Variants in MCF2L observed in about 807,000 individuals in gnomAD.
The protein encoded by MCF2L is MCF.2 cell line derived transforming sequence like.
In MCF2L, 97 loss-of-function variants were observed where a neutral mutation model predicts 153.4. The observed-to-expected ratio is 0.63, with a 90% CI of 0.54 to 0.75. The LOEUF (loss-of-function observed/expected upper bound fraction) is 0.75. MCF2L is among the 30% of genes least tolerant of loss of function. The probability of loss-of-function intolerance (pLI) is 0.00; values close to 1 mark genes in which losing one functional copy is unlikely to be tolerated. For missense variants in MCF2L, 1,347 were observed against 1,495.2 expected (o/e 0.90, Z 1.64); for synonymous variants, 659 against 632.2 (o/e 1.04, Z -0.64).
intron 1 of MCF2L, among the ~76,000 whole-genome samples, chr13:112,898,892 G>A (rs564572568): frequency 1.2e-4 from 18 of 152,110 alleles, no homozygotes; most frequent in East Asian, 9.7e-4. Flanking sequence ...CTGACTTCTC[G>A]CCACCTGCTT....
In MCF2L at chr13:113,084,972, C is replaced by T; in HGVS notation, c.2142C>T (p.Cys714=). Residue 714 remains cysteine (C), a synonymous_variant, in exon 19 of 30, where the codon TGC becomes TGT. Transcript: ENST00000535094. The part of the protein sequence containing the change: ...SESLWRQCSD[C]PFFQECQRKL... ...GCCTGTGGAGACAGTGCTCCGACTGCCCGTTTTTCCAGGTTTGTCCCCGGA... is the reference window on the plus strand; with the variant it reads ...GCCTGTGGAGACAGTGCTCCGACTGTCCGTTTTTCCAGGTTTGTCCCCGGA... The T allele has an allele frequency of 6.2e-7, 1 of 1,613,974 alleles. No homozygotes were observed. The highest frequency in any genetic ancestry group is 1.1e-5 in the South Asian group (1 of 91,090).
At chr13:112,968,424 C>T (rs751793803), upstream of MCF2L, 23 of 1,574,582 alleles carry the variant, frequency 1.5e-5, no homozygotes, top group South Asian at 4.6e-5. Flanking sequence ...GCAGCCAGGA[C>T]GCTGCGTGTG....
chr13:113,023,942 T>G (rs866653946), intron 2 of MCF2L, among the ~76,000 whole-genome samples: 30 of 152,310 alleles, frequency 2.0e-4, no homozygotes, highest in Admixed American at 2.6e-4. Flanking sequence ...GCAGCTGCAG[T>G]GTTCTGAGTC....
rs1289583699 is a variant in MCF2L at position 113,099,253 on chromosome 13, TG to T, written c.*2395del. The T allele has an allele frequency of 6.6e-6, 1 of 152,150 alleles. No individual in the cohort carries two copies. The highest frequency in any genetic ancestry group is 1.5e-5 in the Non-Finnish European group (1 of 68,048). 9.4% of individuals were successfully genotyped at this position (152,150 alleles called of 1,614,324 possible). On this transcript the variant is annotated 3_prime_UTR_variant, in exon 30 of 30. Transcript: ENST00000535094. ...GCAGTCGGCAGACAGCAATGTTGAC[TG>T]TCATGAAAAGTGATCCCTGTTTGCC...
At chr13:113,065,648 G>T (rs2032248551) in intron 7 of MCF2L, among the ~76,000 whole-genome samples, 1 of 152,266 alleles carries the variant, frequency 6.6e-6, no homozygotes, top group South Asian at 2.1e-4. Flanking sequence ...CACGCTGCTG[G>T]CTTTGCAGCA....
At chr13:112,975,665 G>A (rs1481897173) in intron 1 of MCF2L, among the ~76,000 whole-genome samples, 1 of 152,254 alleles carries the variant, frequency 6.6e-6, no homozygotes, top group Non-Finnish European at 1.5e-5. Context: ...GGGAGCCGCT[G>A]CCGTGGTCAT....
At chr13:112,968,117 T>C (rs2140790025), upstream of MCF2L, 1 of 202,272 alleles carries the variant, frequency 4.9e-6, no homozygotes, top group Admixed American at 6.1e-5. Flanking sequence ...TCTCTCTCTC[T>C]CTTTTAACTG....
intron 2 of MCF2L, among the ~76,000 whole-genome samples, chr13:112,917,882 G>A (rs948394780): frequency 2.6e-5 from 4 of 152,238 alleles, no homozygotes; most frequent in South Asian, 2.1e-4. Flanking sequence ...AGCCTCACCT[G>A]CCCACCCCCC....
At chr13:113,083,508 GCCCCAAATCCAT>G (rs1594979984) in intron 17 of MCF2L, among the ~76,000 whole-genome samples, 1 of 152,202 alleles carries the variant, frequency 6.6e-6, no homozygotes, top group East Asian at 1.9e-4. Flanking sequence ...TTGTGCTCAT[GCCCCAAATCCAT>G]CCCCCAGACG....
rs1245271386 is a variant in MCF2L, at chr13:113,027,070, A to T, written c.278+2312A>T. On this transcript the variant is annotated intron_variant, in intron 3 of 29. Coordinates refer to ENST00000535094, the MANE Select transcript of MCF2L (RefSeq NM_001112732.3). The surrounding 1 kb of genome is among the most constrained non-coding windows in gnomAD (Gnocchi z 4.8). The stretch of plus-strand genomic sequence containing the variant: ...AGTAAAAACAGAAATATCCTTAAAT[A>T]TGGCATCTGTATCCCGCACATTACA... 2 of 765,834 alleles carry T rather than the reference A, an allele frequency of 2.6e-6. No individual in the cohort carries two copies. Among genetic ancestry groups the T allele is most frequent in the Non-Finnish European group, 4.8e-6 (2 of 414,512 alleles). The allele number at this position is 765,834 out of a possible 1,614,324, so 47.4% of individuals were successfully genotyped here.
intron 2 of MCF2L, among the ~76,000 whole-genome samples, chr13:112,961,104 T>TCTGCTATGCCTCCACATTGCAC (rs1555354509): frequency 1.3e-5 from 1 of 75,050 alleles, no homozygotes; most frequent in African/African-American, 6.4e-5. Context: ...CCACGTTGCA[T>TCTGCTATGCCTCCACATTGCAC]CTGCTATGCC....
At chr13:113,060,304 G>C (rs1158798642) in intron 4 of MCF2L, among the ~76,000 whole-genome samples, 2 of 152,178 alleles carry the variant, frequency 1.3e-5, no homozygotes, top group African/African-American at 2.4e-5. Flanking sequence ...TAATTTGGGG[G>C]GACACAGCTC....
upstream of MCF2L, chr13:112,965,988 A>G (rs1166415296): frequency 6.6e-6 from 1 of 152,222 alleles, no homozygotes; most frequent in East Asian, 1.9e-4. Flanking sequence ...ACAGGTCTGC[A>G]TCTTTGTGCC....
At chr13:112,917,359 C>A (rs933495569) in intron 2 of MCF2L, 2 of 355,334 alleles carry the variant, frequency 5.6e-6, no homozygotes, top group Non-Finnish European at 1.1e-5. Context: ...TGTTTTCACT[C>A]ATGCCCGTAT....
At chr13:113,076,238 C>A in intron 12 of MCF2L, 81 bp downstream of exon 12, 3 of 957,708 alleles carry the variant, frequency 3.1e-6, no homozygotes, top group Non-Finnish European at 4.5e-6. Context: ...TTGAAAGAAT[C>A]ATTTAATGAA....
upstream of MCF2L, among the ~76,000 whole-genome samples, chr13:112,968,144 G>GGT (rs1555355460): frequency 6.8e-6 from 1 of 146,206 alleles, no homozygotes; most frequent in South Asian, 2.2e-4. Flanking sequence ...GAGTGAGGTG[G>GGT]GGGGGGGGGT....
rs200542381 is a variant in MCF2L, at chr13:113,089,599, G to A, written c.2835-11G>A. The A allele has an allele frequency of 3.3e-4, 515 of 1,566,548 alleles. 2 individuals carry two copies. Among genetic ancestry groups the A allele is most frequent in the Middle Eastern group, 1.7e-4 (1 of 5,986 alleles). On this transcript the variant is annotated splice_polypyrimidine_tract_variant and intron_variant, in intron 25 of 29. Transcript: ENST00000535094. ...ACACTATTTCCTTTTTGATTTGTCTGATGTCATCAGTCCCTCAAGAGGAAA... is the reference window on the plus strand; with the variant it reads ...ACACTATTTCCTTTTTGATTTGTCTAATGTCATCAGTCCCTCAAGAGGAAA...
At chr13:112,952,699 A>G (rs954000196) in intron 2 of MCF2L, among the ~76,000 whole-genome samples, 2 of 152,258 alleles carry the variant, frequency 1.3e-5, no homozygotes, top group African/African-American at 2.4e-5. Flanking sequence ...AAACAGGGCA[A>G]TGAACACCAG....
At chr13:113,091,935 C>T (rs968554598) in intron 26 of MCF2L, among the ~76,000 whole-genome samples, 3 of 152,188 alleles carry the variant, frequency 2.0e-5, no homozygotes, top group South Asian at 2.1e-4. Flanking sequence ...TCACATGACA[C>T]AGCGAGCCTC....
Sources: allele counts gnomAD v4.1 joint callset (sites outside exome capture counted in the v4.1 genomes callset), GRCh38; gene constraint gnomAD v4.1.1; non-coding constraint Gnocchi (gnomAD v3.1); transcripts MANE v1.5; gene names NCBI Gene and HGNC (gene_info 2026-07-23, HGNC 2026-07-21).